The following ADAM32 variants were observed in gnomAD, a reference collection of about 807,000 sequenced individuals.
The protein encoded by ADAM32 is ADAM metallopeptidase domain 32, also known as disintegrin and metalloproteinase domain-containing protein 32.
ADAM32 carries 89 observed loss-of-function variants against 114.9 expected under a neutral mutation model. The ratio of observed to expected loss-of-function variants is 0.77; its 90% confidence interval spans 0.65 to 0.92. The LOEUF (loss-of-function observed/expected upper bound fraction) is 0.92. ADAM32 is among the 40% of genes least tolerant of loss of function. The pLI is 0.00. For synonymous variants in ADAM32, 285 were observed against 307.5 expected (o/e 0.93, Z 0.77); for missense variants, 870 against 932.8 (o/e 0.93, Z 0.88).
intron 2 of ADAM32, among the ~76,000 whole-genome samples, chr8:39,127,916 T>G (rs556078100): frequency 6.1e-4 from 93 of 152,320 alleles, no homozygotes; most frequent in African/African-American, 2.1e-3. Context: ...TCTTGATTTC[T>G]GCTTTGATTT....
intron 12 of ADAM32, chr8:39,221,375 AG>A (rs1808948768): frequency 2.5e-6 from 1 of 404,432 alleles, no homozygotes; most frequent in African/African-American, 2.0e-5. Flanking sequence ...ATGTCTTTTA[AG>A]TAGAGAATAT....
intron 3 of ADAM32, among the ~76,000 whole-genome samples, chr8:39,139,067 G>A (rs1802985283): frequency 1.3e-5 from 2 of 152,058 alleles, no homozygotes; most frequent in Non-Finnish European, 2.9e-5. Context: ...TGTAGATTCT[G>A]GATATTAGCC....
At chr8:39,195,411 T>C (rs1232008187) in intron 11 of ADAM32, among the ~76,000 whole-genome samples, 2 of 152,264 alleles carry the variant, frequency 1.3e-5, no homozygotes, top group Non-Finnish European at 2.9e-5. Flanking sequence ...ATTGTTTCTT[T>C]TGCTGTACGT....
At chr8:39,198,904 TG>T (rs577293763) in intron 11 of ADAM32, among the ~76,000 whole-genome samples, 108 of 152,342 alleles carry the variant, frequency 7.1e-4, no homozygotes, top group African/African-American at 2.5e-3. Flanking sequence ...AGTCTAGTGG[TG>T]ACAAATTCTT....
chr8:39,220,036 G>C (rs1368177064), intron 12 of ADAM32, among the ~76,000 whole-genome samples: 1 of 152,136 alleles, frequency 6.6e-6, no homozygotes, highest in Non-Finnish European at 1.5e-5. Flanking sequence ...GTCTAACACT[G>C]TCAGTGGGGT....
At chr8:39,266,980 G>C (rs1812405191) in intron 19 of ADAM32, among the ~76,000 whole-genome samples, 1 of 152,180 alleles carries the variant, frequency 6.6e-6, no homozygotes, top group Non-Finnish European at 1.5e-5. Context: ...GACCTGGCCT[G>C]TTTCTTTGTT....
In ADAM32 at chr8:39,145,869, C is replaced by T. The variant is rs544522244; in HGVS notation, c.201-1261C>T. 3.9e-5 allele frequency among the ~76,000 whole-genome samples: 6 copies of T among 151,932 alleles called. No homozygotes were observed. The South Asian group carries it at 1.0e-3, about 26-fold the overall frequency. On this transcript the variant is annotated intron_variant, in intron 3 of 24. Coordinates refer to ENST00000379907, the MANE Select transcript of ADAM32 (RefSeq NM_145004.7). ...CCTCAGCCTCCCAAGTAGCTGGGAC[C>T]ACATGAGCAGACCACCACACCTGGC...
intron 6 of ADAM32, among the ~76,000 whole-genome samples, chr8:39,154,265 CA>C (rs1222268294): frequency 1.3e-5 from 2 of 152,108 alleles, no homozygotes; most frequent in Non-Finnish European, 2.9e-5. Flanking sequence ...GTTCATCTCC[CA>C]CTTATGAATG....
intron 17 of ADAM32, among the ~76,000 whole-genome samples, chr8:39,251,630 T>C (rs1463617086): frequency 6.6e-6 from 1 of 151,916 alleles, no homozygotes; most frequent in Non-Finnish European, 1.5e-5. Flanking sequence ...CCTTGTCAGA[T>C]GGATAGTTTG....
intron 7 of ADAM32, among the ~76,000 whole-genome samples, chr8:39,162,472 C>G (rs1306080105): frequency 6.6e-6 from 1 of 151,948 alleles, no homozygotes; most frequent in African/African-American, 2.4e-5. Flanking sequence ...AATAAACATA[C>G]GTGTGCATGT....
At chr8:39,116,512 C>A (rs1479708417) in intron 1 of ADAM32, among the ~76,000 whole-genome samples, 1 of 151,924 alleles carries the variant, frequency 6.6e-6, no homozygotes, top group Non-Finnish European at 1.5e-5. Context: ...TGGATGGGAT[C>A]CTGTTCTTAT....
At chr8:39,126,727 G>A (rs2129444656) in intron 2 of ADAM32, among the ~76,000 whole-genome samples, 1 of 152,220 alleles carries the variant, frequency 6.6e-6, no homozygotes, top group South Asian at 2.1e-4. Context: ...GAGTGAGACA[G>A]TGCATCCTTG....
chr8:39,136,567 C>G, intron 2 of ADAM32, 90 bp from the exon 3 acceptor site: 1 of 756,934 alleles, frequency 1.3e-6, no homozygotes, highest in East Asian at 3.1e-5. Context: ...ATGTTTTAAG[C>G]ATTGTTTGGA....
intron 16 of ADAM32, among the ~76,000 whole-genome samples, chr8:39,235,555 A>T (rs1234565928): frequency 2.0e-5 from 3 of 152,214 alleles, no homozygotes; most frequent in Non-Finnish European, 4.4e-5. Flanking sequence ...CTTTGAGATG[A>T]TTTGATAAGT....
rs117399366 is a variant in ADAM32, at chr8:39,113,002, T to C, written c.59-5084T>C. On this transcript the variant is annotated intron_variant, in intron 1 of 24. Transcript: ENST00000379907. Reference sequence around the variant, plus strand: ...TGAGAGGTAGAATGTATTTCTTCACTCTCTGAATCTGGTTGGCCTCATTAC... The same window carrying C: ...TGAGAGGTAGAATGTATTTCTTCACCCTCTGAATCTGGTTGGCCTCATTAC... 1.2e-3 allele frequency among the ~76,000 whole-genome samples: 183 copies of C among 152,340 alleles called. 1 individual carries two copies. In the East Asian group the frequency reaches 0.024, roughly 20 times the overall value.
intron 16 of ADAM32, 117 bp downstream of exon 16, chr8:39,234,199 C>T: frequency 1.3e-6 from 1 of 776,500 alleles, no homozygotes; most frequent in Non-Finnish European, 1.8e-6. Flanking sequence ...TGTTTGGAGG[C>T]AAAATGAATG....
At chr8:39,230,063 A>AT (rs1809640413) in intron 14 of ADAM32, among the ~76,000 whole-genome samples, 1 of 152,176 alleles carries the variant, frequency 6.6e-6, no homozygotes, top group African/African-American at 2.4e-5. Flanking sequence ...ACACCTATCT[A>AT]TGACATGCAT....
At chr8:39,183,932 C>G (rs1806065443) in intron 10 of ADAM32, among the ~76,000 whole-genome samples, 1 of 152,146 alleles carries the variant, frequency 6.6e-6, no homozygotes, top group Non-Finnish European at 1.5e-5. Context: ...AAAATCCATA[C>G]CTGGGATACA....
At chr8:39,202,122 C>T (rs1480625725) in intron 11 of ADAM32, among the ~76,000 whole-genome samples, 1 of 152,158 alleles carries the variant, frequency 6.6e-6, no homozygotes, top group Non-Finnish European at 1.5e-5. Flanking sequence ...GCTTTGGTAT[C>T]AGGACGATGC....
Sources: allele counts gnomAD v4.1 joint callset (sites outside exome capture counted in the v4.1 genomes callset), GRCh38; gene constraint gnomAD v4.1.1; transcripts MANE v1.5; gene names NCBI Gene and HGNC (gene_info 2026-07-23, HGNC 2026-07-21).